Variants in TERF1 observed in about 807,000 individuals in gnomAD.
TERF1 encodes telomeric repeat-binding factor 1.
Under a neutral mutation model 55.1 loss-of-function variants are expected in TERF1, and 20 were observed. The observed-to-expected ratio is 0.36, with a 90% CI of 0.26 to 0.53. TERF1 has a LOEUF of 0.53. Ranked by LOEUF, TERF1 falls within the 20% of genes least tolerant of loss-of-function variation. The pLI, the probability that TERF1 is intolerant of heterozygous loss-of-function variation, is 0.91. For synonymous variants in TERF1, 168 were observed against 181.2 expected, an observed-to-expected ratio of 0.93 and a Z score of 0.59; for missense variants, 439 against 535.7, an observed-to-expected ratio of 0.82 and a Z score of 1.78.
Position 73,020,721 on chromosome 8 carries a change from G to A in TERF1, c.453G>A (p.Leu151=), listed in dbSNP as rs1271650674. The stretch of plus-strand genomic sequence containing the variant: ...AAAATGATGAACGAATTACACCCTT[G>A]GAATCAGCCCTGATGATTTGGGGTT... ...QFENDERITP[L]ESALMIWGSI... Residue 151 remains leucine, a synonymous_variant, in exon 3 of 10, where the codon TTG becomes TTA. Coordinates refer to ENST00000276603, the MANE Select transcript of TERF1 (RefSeq NM_017489.3). 2.5e-6 allele frequency: 4 copies of A among 1,603,866 alleles called. No individual in the cohort carries two copies. Among genetic ancestry groups the A allele is most frequent in the African/African-American group, 1.3e-5 (1 of 74,564 alleles).
chr8:73,026,727 C>T (rs1338757320), intron 5 of TERF1, among the ~76,000 whole-genome samples: 2 of 151,354 alleles, frequency 1.3e-5, no homozygotes, highest in African/African-American at 2.4e-5. Context: ...AGACCACCTT[C>T]GTAACGCTGA....
rs1020550616 is a variant in TERF1, at chr8:73,044,714, C to G, written c.1144-1247C>G. Among the ~76,000 whole-genome samples, 3 of 152,126 alleles carry G rather than the reference C, an allele frequency of 2.0e-5. No individual in the cohort carries two copies. In the East Asian group the frequency reaches 5.8e-4, roughly 29 times the overall value. ...TAAACAGTAAGTCCATTTCCATCCTCCCAGCCCCCTTGCCACCATCATTCT... is the reference window on the plus strand; with the variant it reads ...TAAACAGTAAGTCCATTTCCATCCTGCCAGCCCCCTTGCCACCATCATTCT... On this transcript the variant is annotated intron_variant, in intron 9 of 9. Coordinates refer to ENST00000276603, the MANE Select transcript of TERF1 (RefSeq NM_017489.3).
rs55999955 is a variant in TERF1 at position 73,022,535 on chromosome 8, C to T, written c.624+233C>T. 8.4e-3 allele frequency among the ~76,000 whole-genome samples: 1,282 copies of T among 152,224 alleles called. 7 individuals carry two copies. The highest frequency in any genetic ancestry group is 0.013 in the Non-Finnish European group (891 of 68,026). ...CTTTGGGAGGCTGAGGTGGGAGGAT[C>T]TCTTGAGCTCAGGCATTCGAGACCA... On this transcript the variant is annotated intron_variant, in intron 4 of 9. Transcript: ENST00000276603.
At chr8:73,026,379 T>A (rs1808999464) in intron 5 of TERF1, among the ~76,000 whole-genome samples, 1 of 150,220 alleles carries the variant, frequency 6.7e-6, no homozygotes, top group Non-Finnish European at 1.5e-5. Flanking sequence ...CGCATGCCTG[T>A]AGTCCCAGCT....
intron 3 of TERF1, 89 bp downstream of exon 3, chr8:73,020,894 A>C: frequency 1.2e-6 from 1 of 853,936 alleles, no homozygotes; most frequent in Non-Finnish European, 1.8e-6. Context: ...GTTGAGCAGT[A>C]GTAAAATTTA....
At chr8:73,033,722 A>G (rs1026510275) in intron 8 of TERF1, among the ~76,000 whole-genome samples, 1 of 152,144 alleles carries the variant, frequency 6.6e-6, no homozygotes, top group Non-Finnish European at 1.5e-5. Flanking sequence ...AAAAGAGAAA[A>G]CATGGTTTAT....
chr8:73,011,534 A>ACACGG (rs1808280929), intron 1 of TERF1: 5 of 152,388 alleles, frequency 3.3e-5, no homozygotes, highest in African/African-American at 1.2e-4. Context: ...AACCTGGGTG[A>ACACGG]CACGGCGAGA....
intron 4 of TERF1, among the ~76,000 whole-genome samples, chr8:73,024,425 T>G (rs1028775297): frequency 2.3e-4 from 35 of 152,148 alleles, no homozygotes. Flanking sequence ...ACATATGTAG[T>G]GCAAGTAAAG....
chr8:73,048,103 T>C lies in TERF1; in HGVS notation c.*1966T>C, dbSNP rs1370218741. 2 of 152,232 alleles carry C rather than the reference T, an allele frequency of 1.3e-5. No individual in the cohort carries two copies. The highest frequency in any genetic ancestry group is 4.8e-5 in the African/African-American group (2 of 41,456). The allele number at this position is 152,232 out of a possible 1,614,324, so 9.4% of individuals were successfully genotyped here. A position where few individuals can be genotyped will look rare whatever the true frequency, so the allele number is the denominator to read the frequency against. The stretch of plus-strand genomic sequence containing the variant: ...GAAATTGTAAGCAAAATAAGTTGGG[T>C]AATATATTCCTAAAACCTCATCTTC... On this transcript the variant is annotated 3_prime_UTR_variant, in exon 10 of 10. Transcript: ENST00000276603.
rs1410896622 is a variant in TERF1, at chr8:73,008,898, T to C, written c.12T>C (p.Asp4=). 1 of 1,606,570 alleles carries C rather than the reference T, an allele frequency of 6.2e-7. No individual in the cohort carries two copies. The highest frequency in any genetic ancestry group is 8.5e-7 in the Non-Finnish European group (1 of 1,177,092). Residue 4 remains aspartate (D), a synonymous_variant, in exon 1 of 10, where the codon GAT becomes GAC. Coordinates refer to ENST00000276603, the MANE Select transcript of TERF1 (RefSeq NM_017489.3). ...GCGAGCCATTTAACATGGCGGAGGATGTTTCCTCAGCGGCCCCGAGCCCGC... is the reference window on the plus strand; with the variant it reads ...GCGAGCCATTTAACATGGCGGAGGACGTTTCCTCAGCGGCCCCGAGCCCGC... MAE[D]VSSAAPSPRG...
chr8:73,041,547 G>T (rs55830921), intron 9 of TERF1, among the ~76,000 whole-genome samples: 1 of 152,140 alleles, frequency 6.6e-6, no homozygotes, highest in African/African-American at 2.4e-5. Context: ...AGGCTAGAGA[G>T]GGGTGGAGTT....
chr8:73,037,187 AATATATATTATATAATATAATT>A (rs1809563828), intron 8 of TERF1, among the ~76,000 whole-genome samples: 1 of 129,292 alleles, frequency 7.7e-6, no homozygotes, highest in African/African-American at 2.8e-5. Flanking sequence ...ATAATATAAT[AATATATATTATATAATATAATT>A]TATATATAAT....
At chr8:73,029,580 C>CTG (rs71300659) in intron 6 of TERF1, among the ~76,000 whole-genome samples, 1 of 150,626 alleles carries the variant, frequency 6.6e-6, no homozygotes, top group Non-Finnish European at 1.5e-5. Context: ...CACTGCACTC[C>CTG]GGTGACCCTC....
intron 2 of TERF1, among the ~76,000 whole-genome samples, chr8:73,019,729 C>T (rs1280060032): frequency 6.6e-6 from 1 of 152,186 alleles, no homozygotes; most frequent in Non-Finnish European, 1.5e-5. Flanking sequence ...CTCCTCAGGA[C>T]CTTTGCACTT....
At chr8:73,012,317 A>G (rs1349572663) in intron 1 of TERF1, 1 of 152,308 alleles carries the variant, frequency 6.6e-6, no homozygotes, top group Non-Finnish European at 1.5e-5. Context: ...CAGATATAAT[A>G]ATAATGAAAA....
chr8:73,025,754 CAAAAAAAAAAAAA>C, intron 5 of TERF1, among the ~76,000 whole-genome samples: 1 of 47,262 alleles, frequency 2.1e-5, no homozygotes, highest in South Asian at 1.3e-3. Context: ...GACTCTGTCT[CAAAAAAAAAAAAA>C]AAAAAAAAAA....
intron 8 of TERF1, among the ~76,000 whole-genome samples, chr8:73,036,419 G>A (rs1809511859): frequency 6.6e-6 from 1 of 152,152 alleles, no homozygotes; most frequent in African/African-American, 2.4e-5. Context: ...TAAACTATAC[G>A]AAGAACCCTG....
intron 2 of TERF1, among the ~76,000 whole-genome samples, chr8:73,019,804 C>T (rs578107695): frequency 3.3e-5 from 5 of 152,336 alleles, no homozygotes; most frequent in African/African-American, 9.6e-5. Context: ...CTTCACATTA[C>T]GCTGTTCTCA....
chr8:73,037,306 A>T (rs975685081), intron 8 of TERF1, among the ~76,000 whole-genome samples: 5 of 135,202 alleles, frequency 3.7e-5, no homozygotes, highest in Non-Finnish European at 7.8e-5. Context: ...TTATCTACCT[A>T]TCTACTTACC....
Sources: allele counts gnomAD v4.1 joint callset (sites outside exome capture counted in the v4.1 genomes callset), GRCh38; gene constraint gnomAD v4.1.1; transcripts MANE v1.5; gene names NCBI Gene and HGNC (gene_info 2026-07-23, HGNC 2026-07-21).